TSFM: variants seen among roughly 807,000 people sequenced by gnomAD.
TSFM encodes the protein elongation factor Ts, mitochondrial.
Under a neutral mutation model 33.4 loss-of-function variants are expected in TSFM, and 29 were observed. The ratio of observed to expected loss-of-function variants is 0.87; its 90% CI spans 0.65 to 1.18. TSFM has a LOEUF of 1.18. TSFM is among the 50% of genes most tolerant of loss of function. The pLI, the probability that TSFM is intolerant of heterozygous loss-of-function variation, is 0.00. For synonymous variants in TSFM, 178 were observed against 163.5 expected (o/e 1.09, Z -0.68); for missense variants, 394 against 395.6 (o/e 1.00, Z 0.04).
rs558101300 is a variant in TSFM, at chr12:57,788,994, C to G, written c.483+1832C>G. Among the ~76,000 whole-genome samples the G allele has an allele frequency of 7.5e-4, 102 of 136,238 alleles. 1 individual carries two copies. Among genetic ancestry groups the G allele is most frequent in the African/African-American group, 2.7e-3 (97 of 36,150 alleles). The allele number at this position is 136,238 out of a possible 152,430, so 89.4% of individuals were successfully genotyped here. ...TTTTTTTTTTTTTTTGAGATGGAGT[C>G]TCTCTGTCACCCAGGCTGGAGTGCA... On this transcript the variant is annotated intron_variant, in intron 4 of 5. Coordinates refer to ENST00000652027, the MANE Select transcript of TSFM (RefSeq NM_005726.6).
intron 3 of TSFM, 78 bp downstream of exon 3, chr12:57,786,369 T>C: frequency 2.0e-6 from 3 of 1,476,542 alleles, no homozygotes; most frequent in East Asian, 4.8e-5. Context: ...TAAAGGGGCC[T>C]GTTCTTGAAG....
At chr12:57,799,973 G>A (rs1463016481), downstream of TSFM, 11 of 1,604,268 alleles carry the variant, frequency 6.9e-6, no homozygotes, top group Middle Eastern at 3.3e-4. Flanking sequence ...GTGTCTGTGT[G>A]GTTACAGTTC....
At chr12:57,788,519 C>T (rs1055277787) in intron 4 of TSFM, among the ~76,000 whole-genome samples, 27 of 152,106 alleles carry the variant, frequency 1.8e-4, no homozygotes, top group African/African-American at 5.1e-4. Flanking sequence ...TCAAGTGATT[C>T]GCCCGCCTCC....
chr12:57,796,259 C>T lies in TSFM; in HGVS notation c.654C>T (p.His218=), dbSNP rs542752972. The T allele has an allele frequency of 2.2e-4, 352 of 1,613,076 alleles. 1 individual carries two copies. The South Asian group carries it at 2.7e-3, about 13-fold the overall frequency. ...PSGFYVGSYV[H]GAMQSPSLHK... is the part of the protein sequence containing the mutation. ...GGTTCTACGTTGGCTCTTATGTCCA[C>T]GGAGCAATGCAGAGTCCCTCACTTC... The change falls in exon 6 of 6, where the codon CAC becomes CAT. Residue 218 remains histidine, a synonymous_variant. Coordinates refer to ENST00000652027, the MANE Select transcript of TSFM (RefSeq NM_005726.6).
chr12:57,802,047 G>A (rs1955859017), downstream of TSFM: 3 of 1,241,082 alleles, frequency 2.4e-6, no homozygotes, highest in Non-Finnish European at 3.4e-6. Flanking sequence ...TGGGAGTAGG[G>A]AAATGAGGTC....
At chr12:57,799,905 T>C (rs1392562049), downstream of TSFM, 3 of 1,614,056 alleles carry the variant, frequency 1.9e-6, no homozygotes, top group South Asian at 1.1e-5. Flanking sequence ...AGGGAGAGGG[T>C]TGCATTCTTC....
At chr12:57,783,980 A>C (rs1955553695) in intron 2 of TSFM, 2 of 702,820 alleles carry the variant, frequency 2.8e-6, no homozygotes, top group African/African-American at 3.5e-5. Context: ...GCGTCTCTTA[A>C]TAGGAAGATA....
chr12:57,783,555 A>G (rs977065706), intron 2 of TSFM: 7 of 644,880 alleles, frequency 1.1e-5, no homozygotes, highest in African/African-American at 1.1e-4. Flanking sequence ...CAGATTGTTC[A>G]GGAGTCAAAT....
chr12:57,791,967 GCA>G, intron 4 of TSFM: 1 of 374,254 alleles, frequency 2.7e-6, no homozygotes. Flanking sequence ...TTGGCCAGGT[GCA>G]GTGGCTCACG....
chr12:57,802,436 T>C, downstream of TSFM: 1 of 1,447,644 alleles, frequency 6.9e-7, no homozygotes. Flanking sequence ...CTTTCCCCTT[T>C]CTTTCGTGAG....
chr12:57,801,188 T>C, downstream of TSFM: 1 of 1,613,682 alleles, frequency 6.2e-7, no homozygotes, highest in Non-Finnish European at 8.5e-7. Context: ...AGCTCTTCTT[T>C]TAATTGTTCA....
At chr12:57,802,775 C>G, downstream of TSFM, 1 of 587,654 alleles carries the variant, frequency 1.7e-6, no homozygotes. Flanking sequence ...CCCCCCATAT[C>G]CAATGAGTCA....
downstream of TSFM, chr12:57,801,084 G>A: frequency 7.1e-7 from 1 of 1,406,536 alleles, no homozygotes; most frequent in Non-Finnish European, 1.0e-6. Flanking sequence ...TAGCATTTGT[G>A]TGTTCTCTGG....
intron 5 of TSFM, among the ~76,000 whole-genome samples, chr12:57,795,855 A>T (rs1306829133): frequency 6.6e-5 from 10 of 152,066 alleles, no homozygotes; most frequent in African/African-American, 2.2e-4. Context: ...ACCTCAGGTG[A>T]TCTACCCGCT....
chr12:57,795,668 G>A (rs978140808), intron 5 of TSFM, among the ~76,000 whole-genome samples: 1 of 152,016 alleles, frequency 6.6e-6, no homozygotes, highest in African/African-American at 2.4e-5. Context: ...AGGATGGACT[G>A]CAATGGTACG....
Position 57,786,274 on chromosome 12 carries a change from A to G in TSFM, c.343A>G (p.Thr115Ala). The G allele has an allele frequency of 4.3e-6, 7 of 1,612,222 alleles. No individual in the cohort carries two copies. Among genetic ancestry groups the G allele is most frequent in the Non-Finnish European group, 5.9e-6 (7 of 1,178,986 alleles). Residue 115 changes from threonine to alanine, a missense_variant, in exon 3 of 6, where the codon ACA becomes GCA. Transcript: ENST00000652027. ...GLIGLLQEGN[T>A]TVLVEVNCET... ...GATTGGGCTGTTGCAGGAAGGAAAC[A>G]CAACTGTATTAGTAGAGGTGAGTTG...
At chr12:57,784,315 A>G (rs1291408669) in intron 2 of TSFM, 23 of 590,304 alleles carry the variant, frequency 3.9e-5, no homozygotes, top group Non-Finnish European at 6.3e-5. Context: ...TGGTGAGTGA[A>G]TATGAAGGCC....
intron 4 of TSFM, among the ~76,000 whole-genome samples, chr12:57,791,412 C>G (rs972832977): frequency 3.3e-5 from 5 of 152,204 alleles, no homozygotes; most frequent in African/African-American, 1.2e-4. Flanking sequence ...CTTACTGCTT[C>G]TCTCCCTTCT....
rs903641308 is a variant in TSFM at position 57,787,129 on chromosome 12, G to C, written c.450G>C (p.Gln150His). Residue 150 changes from glutamine to histidine, a missense_variant, in exon 4 of 6, where the codon CAG becomes CAC. Coordinates refer to ENST00000652027, the MANE Select transcript of TSFM (RefSeq NM_005726.6). Reference sequence around the variant, plus strand: ...CCCTTGGAACCATGATGCATTGTCAGACCCTAAAGGATCAACCCTCTGCAT... The same window carrying C: ...CCCTTGGAACCATGATGCATTGTCACACCCTAAAGGATCAACCCTCTGCAT... ...QVALGTMMHC[Q>H]TLKDQPSAYS... The C allele has an allele frequency of 1.9e-6, 3 of 1,598,260 alleles. No individual in the cohort carries two copies. The African/African-American group carries it at 4.0e-5, about 21-fold the overall frequency.
Sources: gnomAD v4.1 joint callset for allele counts (sites outside exome capture counted in the v4.1 genomes callset) on GRCh38, gnomAD v4.1.1 for gene constraint, MANE v1.5 for transcripts, NCBI Gene and HGNC (gene_info 2026-07-23, HGNC 2026-07-21) for gene names.